Variants in UBAC2 observed in about 807,000 individuals in gnomAD.
The protein encoded by UBAC2 is ubiquitin-associated domain-containing protein 2.
UBAC2 carries 26 observed loss-of-function variants against 44.0 expected under a neutral mutation model. The ratio of observed to expected loss-of-function variants is 0.59; its 90% CI spans 0.43 to 0.82. UBAC2 has a LOEUF of 0.82. UBAC2 is among the 40% of genes least tolerant of loss of function. The pLI, the probability that UBAC2 is intolerant of heterozygous loss-of-function variation, is 0.00. For missense variants in UBAC2, 329 were observed against 419.4 expected (o/e 0.78, Z 1.88); for synonymous variants, 155 against 154.3 (o/e 1.00, Z -0.04).
At position 99,337,146 on chromosome 13, in the gene UBAC2, A is replaced by C. The variant is rs535294252; in HGVS notation, c.562-3174A>C. ...ATGGTGTTTTTAAAATGCAAACCTT[A>C]AATATTCCGCATGAATTTGAGGCTT... On this transcript the variant is annotated intron_variant, in intron 6 of 8. Coordinates refer to ENST00000403766, the MANE Select transcript of UBAC2 (RefSeq NM_001144072.2). Among the ~76,000 whole-genome samples, 8 of 152,304 alleles carry C rather than the reference A, an allele frequency of 5.3e-5. No individual in the cohort carries two copies. The South Asian group carries it at 8.3e-4, about 16-fold the overall frequency.
intron 2 of UBAC2, among the ~76,000 whole-genome samples, chr13:99,242,861 A>G (rs1481706539): frequency 9.1e-5 from 11 of 121,132 alleles, no homozygotes; most frequent in African/African-American, 3.5e-4. Flanking sequence ...GACGCTCCTC[A>G]CCTCCCAGAC....
chr13:99,214,987 G>GTT (rs112026030), intron 1 of UBAC2, among the ~76,000 whole-genome samples: 1 of 141,128 alleles, frequency 7.1e-6, no homozygotes, highest in Admixed American at 7.0e-5. Context: ...TTTTCTTTTT[G>GTT]TTTTTTTTTT....
chr13:99,323,512 A>T (rs559058750), intron 6 of UBAC2, among the ~76,000 whole-genome samples: 44 of 152,334 alleles, frequency 2.9e-4, no homozygotes, highest in Non-Finnish European at 4.9e-4. Flanking sequence ...TTGTGAAAGG[A>T]CCACATGTAG....
chr13:99,256,441 A>G (rs922297625), intron 4 of UBAC2: 1 of 152,212 alleles, frequency 6.6e-6, no homozygotes, highest in African/African-American at 2.4e-5. Flanking sequence ...CTAGTGCACA[A>G]TTGGGAGTAC....
At chr13:99,350,659 T>C (rs2045070849) in intron 7 of UBAC2, among the ~76,000 whole-genome samples, 1 of 152,234 alleles carries the variant, frequency 6.6e-6, no homozygotes, top group Non-Finnish European at 1.5e-5. Flanking sequence ...TCCTTTCTAA[T>C]AAATGGGTAG....
At chr13:99,235,809 CA>C (rs907636125) in intron 1 of UBAC2, among the ~76,000 whole-genome samples, 2 of 150,696 alleles carry the variant, frequency 1.3e-5, no homozygotes, top group African/African-American at 2.4e-5. Flanking sequence ...ACTATTTCTC[CA>C]AAAAAAAATT....
intron 7 of UBAC2, among the ~76,000 whole-genome samples, chr13:99,348,468 G>A (rs977362558): frequency 6.6e-6 from 1 of 152,202 alleles, no homozygotes; most frequent in Non-Finnish European, 1.5e-5. Context: ...ACGCACAGGG[G>A]CTCAAAACAG....
At chr13:99,232,014 A>G (rs2043178592) in intron 1 of UBAC2, among the ~76,000 whole-genome samples, 1 of 152,210 alleles carries the variant, frequency 6.6e-6, no homozygotes, top group Non-Finnish European at 1.5e-5. Flanking sequence ...AGAGCTATGC[A>G]GAAATGAGGA....
intron 5 of UBAC2, among the ~76,000 whole-genome samples, chr13:99,317,773 A>G (rs891779964): frequency 1.3e-5 from 2 of 152,016 alleles, no homozygotes; most frequent in African/African-American, 2.4e-5. Flanking sequence ...TTTTCTTTGC[A>G]TGGGGTGTGG....
At chr13:99,285,316 A>C (rs1295469148) in intron 4 of UBAC2, among the ~76,000 whole-genome samples, 1 of 151,074 alleles carries the variant, frequency 6.6e-6, no homozygotes, top group East Asian at 1.9e-4. Context: ...CCTTTGGTAG[A>C]GTATTTTTGT....
Position 99,241,948 on chromosome 13 carries a change from C to T in UBAC2, c.160-1884C>T, listed in dbSNP as rs531517075. 2.1e-4 allele frequency among the ~76,000 whole-genome samples: 31 copies of T among 150,408 alleles called. No homozygotes were observed. The South Asian group carries it at 2.1e-3, about 10-fold the overall frequency. On this transcript the variant is annotated intron_variant, in intron 2 of 8. Transcript: ENST00000403766. ...GGGAGTGGTGATGACTCTTAAGGAGCATGCTGCCTTCAAGCATCTGTTTAA... is the reference window on the plus strand; with the variant it reads ...GGGAGTGGTGATGACTCTTAAGGAGTATGCTGCCTTCAAGCATCTGTTTAA...
At chr13:99,322,801 G>T (rs946885548) in intron 6 of UBAC2, among the ~76,000 whole-genome samples, 16 of 152,176 alleles carry the variant, frequency 1.1e-4, no homozygotes, top group African/African-American at 3.9e-4. Flanking sequence ...TTACGATGGT[G>T]CAAGATTACA....
intron 7 of UBAC2, among the ~76,000 whole-genome samples, chr13:99,344,542 TA>T (rs1383797622): frequency 9.2e-5 from 14 of 152,262 alleles, no homozygotes; most frequent in African/African-American, 3.4e-4. Flanking sequence ...ACTTGATTTT[TA>T]GATGCTTTTC....
chr13:99,210,601 C>T (rs935375624), intron 1 of UBAC2, among the ~76,000 whole-genome samples: 1 of 151,752 alleles, frequency 6.6e-6, no homozygotes, highest in East Asian at 1.9e-4. Context: ...CCTCAGCCTC[C>T]TGAGTAGCTG....
chr13:99,357,243 A>G (rs956515262), intron 7 of UBAC2, among the ~76,000 whole-genome samples: 1 of 152,214 alleles, frequency 6.6e-6, no homozygotes, highest in Non-Finnish European at 1.5e-5. Flanking sequence ...CTTGGTGTGT[A>G]GTAGGCGATC....
chr13:99,328,170 T>A (rs1271055696), intron 6 of UBAC2, among the ~76,000 whole-genome samples: 3 of 152,266 alleles, frequency 2.0e-5, no homozygotes, highest in Non-Finnish European at 4.4e-5. Context: ...AATTAATTTT[T>A]CATTTATTAT....
intron 4 of UBAC2, among the ~76,000 whole-genome samples, chr13:99,266,356 T>C (rs2043743726): frequency 6.6e-6 from 1 of 152,146 alleles, no homozygotes; most frequent in Non-Finnish European, 1.5e-5. Flanking sequence ...TAATGATAGC[T>C]GATGATCAAA....
intron 1 of UBAC2, chr13:99,215,446 T>C (rs756514794): frequency 1.5e-6 from 2 of 1,364,672 alleles, no homozygotes; most frequent in Non-Finnish European, 2.1e-6. Context: ...CCACCAGCAA[T>C]TGTAGCCTTG....
At chr13:99,330,618 T>G (rs2044704149) in intron 6 of UBAC2, among the ~76,000 whole-genome samples, 1 of 152,078 alleles carries the variant, frequency 6.6e-6, no homozygotes, top group African/African-American at 2.4e-5. Flanking sequence ...GTTTTATGTG[T>G]TTATATGCTT....
Sources: gnomAD v4.1 joint callset for allele counts (sites outside exome capture counted in the v4.1 genomes callset) on GRCh38, gnomAD v4.1.1 for gene constraint, MANE v1.5 for transcripts, NCBI Gene and HGNC (gene_info 2026-07-23, HGNC 2026-07-21) for gene names.